Variants in GNL3L observed in about 807,000 individuals in gnomAD.
GNL3L encodes guanine nucleotide-binding protein-like 3-like protein.
A neutral mutation model predicts 42.9 loss-of-function variants in GNL3L; 4 were observed. The ratio of observed to expected loss-of-function variants is 0.09; its 90% CI spans 0.05 to 0.21. The LOEUF is 0.21. GNL3L is among the 10% of genes least tolerant of loss of function. GNL3L has a pLI of 1.00. For synonymous variants in GNL3L, 159 were observed against 176.3 expected (o/e 0.90, Z 0.78); for missense variants, 412 against 481.7 (o/e 0.86, Z 1.36).
Position 54,540,228 on chromosome X carries a change from T to C in GNL3L, c.175T>C (p.Leu59=), listed in dbSNP as rs756465445. 2 of 1,185,431 alleles carry C rather than the reference T, an allele frequency of 1.7e-6. No individual in the cohort carries two copies. ...PNDHANREAE[L]KKKWVEEMRE... is the part of the protein sequence containing the mutation. ...TGATCATGCCAATCGAGAGGCTGAA[T>C]TAAAGAAGAAGTGGGTAAGCTTTTT... The change falls in exon 4 of 16, where the codon TTA becomes CTA. Residue 59 remains leucine (L), a synonymous_variant. Coordinates refer to ENST00000360845, the MANE Select transcript of GNL3L (RefSeq NM_001184819.2).
At chrX:54,534,230 CTGG>C (rs1414387788) in intron 2 of GNL3L, among the ~76,000 whole-genome samples, 2 of 106,812 alleles carry the variant, frequency 1.9e-5, no homozygotes, top group African/African-American at 7.1e-5. Flanking sequence ...CAGCTTGGCA[CTGG>C]TGAGTCTGGA....
intron 4 of GNL3L, among the ~76,000 whole-genome samples, chrX:54,540,547 AT>A (rs1244823175): frequency 8.9e-6 from 1 of 111,955 alleles, no homozygotes; most frequent in African/African-American, 3.2e-5. Context: ...AATGCTCAGC[AT>A]TTGAGGCTAT....
At chrX:54,602,546 C>T (rs760531804) in intron 16 of GNL3L, among the ~76,000 whole-genome samples, 1 of 111,160 alleles carries the variant, frequency 9.0e-6, no homozygotes, top group Non-Finnish European at 1.9e-5. Context: ...TTAGTGCAAA[C>T]AGGACCCATA....
At chrX:54,559,000 G>A (rs1925183262) in intron 15 of GNL3L, among the ~76,000 whole-genome samples, 1 of 112,057 alleles carries the variant, frequency 8.9e-6, no homozygotes, top group Non-Finnish European at 1.9e-5. Context: ...GTATCTCTCT[G>A]TGTCCAGCTC....
At chrX:54,590,098 C>G (rs913969559) in intron 16 of GNL3L, among the ~76,000 whole-genome samples, 1 of 111,133 alleles carries the variant, frequency 9.0e-6, no homozygotes, top group South Asian at 3.8e-4. Context: ...TGCCACCATG[C>G]CCAGCTAATT....
At chrX:54,567,903 A>G (rs1338561162), downstream of GNL3L, among the ~76,000 whole-genome samples, 2 of 108,052 alleles carry the variant, frequency 1.9e-5, no homozygotes, top group Non-Finnish European at 3.8e-5. Context: ...ATATTGATTG[A>G]TTTTCTTATG....
At chrX:54,572,579 C>A (rs764634261) in intron 16 of GNL3L, among the ~76,000 whole-genome samples, 1 of 110,106 alleles carries the variant, frequency 9.1e-6, no homozygotes, top group Admixed American at 9.5e-5. Context: ...CCAGTAGGGG[C>A]GGCTGGGCAG....
chrX:54,571,595 G>A (rs1351127347), downstream of GNL3L, among the ~76,000 whole-genome samples: 3 of 105,772 alleles, frequency 2.8e-5, no homozygotes, highest in African/African-American at 1.0e-4. Flanking sequence ...TCCGCCTTGC[G>A]AGCAGCTGAG....
the GNL3L span, among the ~76,000 whole-genome samples, chrX:54,634,787 C>CTTTTT: frequency 3.9e-5 from 2 of 51,589 alleles, no homozygotes; most frequent in Admixed American, 2.4e-4. Context: ...GCGCCCGGCT[C>CTTTTT]TTTTTTTTTT....
At position 54,548,146 on chromosome X, in the gene GNL3L, G is replaced by T. The variant is rs1924825230; in HGVS notation, c.631-83G>T. On this transcript the variant is annotated intron_variant, in intron 8 of 15. Coordinates refer to ENST00000360845, the MANE Select transcript of GNL3L (RefSeq NM_001184819.2). ...GGCTGAGGAGCTCAGTGATCATAGG[G>T]AGGCCCTGAAAGTTGGAAATCTGGG... 4.3e-6 allele frequency: 3 copies of T among 705,017 alleles called. No homozygotes were observed. In the African/African-American group the frequency reaches 6.4e-5, roughly 15 times the overall value. The allele number at this position is 705,017 out of a possible 1,213,427, so 58.1% of individuals were successfully genotyped here.
chrX:54,580,834 G>T (rs1019449658), intron 16 of GNL3L, among the ~76,000 whole-genome samples: 5 of 112,214 alleles, frequency 4.5e-5, no homozygotes, highest in Non-Finnish European at 7.5e-5. Flanking sequence ...AGGCTGGAGT[G>T]CAGTGGCACA....
chrX:54,623,242 T>C (rs1191386120), downstream of GNL3L, among the ~76,000 whole-genome samples: 1 of 106,961 alleles, frequency 9.3e-6, no homozygotes, highest in Non-Finnish European at 1.9e-5. Flanking sequence ...CTTTTCCATT[T>C]CTGCAAAAAA....
chrX:54,588,779 C>T (rs912205292), intron 16 of GNL3L, among the ~76,000 whole-genome samples: 2 of 111,345 alleles, frequency 1.8e-5, no homozygotes, highest in African/African-American at 3.3e-5. Flanking sequence ...GAGCCAAGAT[C>T]GCGCTACGGC....
intron 8 of GNL3L, among the ~76,000 whole-genome samples, chrX:54,547,178 G>A (rs1313687284): frequency 2.8e-5 from 3 of 107,144 alleles, no homozygotes; most frequent in African/African-American, 1.0e-4. Context: ...TGTATTTTTA[G>A]TAGAGACGTG....
intron 16 of GNL3L, among the ~76,000 whole-genome samples, chrX:54,613,525 A>G (rs1414652182): frequency 2.7e-5 from 3 of 109,287 alleles, no homozygotes; most frequent in East Asian, 6.1e-4. Flanking sequence ...GTGTCATATT[A>G]CCAGGGTTGG....
chrX:54,568,644 C>T (rs1925499661), downstream of GNL3L, among the ~76,000 whole-genome samples: 1 of 110,126 alleles, frequency 9.1e-6, no homozygotes, highest in Non-Finnish European at 1.9e-5. Flanking sequence ...ACCTCTGCCT[C>T]CTGGGTTCAA....
chrX:54,541,316 A>C lies in GNL3L; in HGVS notation c.233A>C (p.Glu78Ala). ...REKQQAAREQ[E>A]RQKRRTIESY... ...AAGCAGCAAGCCGCCCGGGAGCAAG[A>C]AAGACAAAAACGCAGGACCATTGAG... The change falls in exon 5 of 16, where the codon GAA becomes GCA. Residue 78 changes from glutamate to alanine, a missense_variant. By Grantham distance (107) the Glu-to-Ala change is moderately radical. Transcript: ENST00000360845. 8.3e-7 allele frequency: 1 copy of C among 1,210,553 alleles called. No homozygotes were observed. Among genetic ancestry groups the C allele is most frequent in the Non-Finnish European group, 1.1e-6 (1 of 894,444 alleles).
chrX:54,571,535 A>G (rs768492515), downstream of GNL3L, among the ~76,000 whole-genome samples: 115 of 76,030 alleles, frequency 1.5e-3, no homozygotes, highest in Admixed American at 3.8e-3. Context: ...GGGTCTTGCT[A>G]TGTTACTCAG....
chrX:54,623,630 A>G (rs775451502), downstream of GNL3L, among the ~76,000 whole-genome samples: 88 of 112,021 alleles, frequency 7.9e-4, no homozygotes, highest in Non-Finnish European at 1.3e-3. Context: ...TGATGTATTA[A>G]CAATATTAAA....
Sources: allele counts gnomAD v4.1 joint callset (sites outside exome capture counted in the v4.1 genomes callset), GRCh38; gene constraint gnomAD v4.1.1; transcripts MANE v1.5; gene names NCBI Gene and HGNC (gene_info 2026-07-23, HGNC 2026-07-21).